NELL1: variants seen among roughly 807,000 people sequenced by gnomAD.
The protein encoded by NELL1 is protein kinase C-binding protein NELL1.
In NELL1, 76 loss-of-function variants were observed where a neutral mutation model predicts 107.4. The observed-to-expected ratio is 0.71, with a 90% confidence interval of 0.59 to 0.86. The LOEUF (loss-of-function observed/expected upper bound fraction) is 0.86, where lower values mean the gene tolerates loss of function less well. Ranked by LOEUF, NELL1 falls within the 40% of genes least tolerant of loss-of-function variation. The probability of loss-of-function intolerance (pLI) is 0.00; values close to 1 mark genes in which losing one functional copy is unlikely to be tolerated. For synonymous variants in NELL1, 353 were observed against 341.2 expected (o/e 1.03, Z -0.38); for missense variants, 1,024 against 1,005.5 (o/e 1.02, Z -0.25).
rs1856398747 is a variant in NELL1, at chr11:21,162,681, G to T, written c.1426+48967G>T. On this transcript the variant is annotated intron_variant, in intron 13 of 19. Coordinates refer to ENST00000357134, the MANE Select transcript of NELL1 (RefSeq NM_006157.5). Reference sequence around the variant, plus strand: ...GACCTTCAAGATCTTCAACCTGTTAGATATTACTCACAGAATTATTGGCGG... The same window carrying T: ...GACCTTCAAGATCTTCAACCTGTTATATATTACTCACAGAATTATTGGCGG... Among the ~76,000 whole-genome samples the T allele has an allele frequency of 3.3e-5, 5 of 152,294 alleles. No individual in the cohort carries two copies. In the South Asian group the frequency reaches 1.0e-3, roughly 32 times the overall value.
chr11:21,485,357 G>A (rs1854598037), intron 15 of NELL1, among the ~76,000 whole-genome samples: 1 of 151,974 alleles, frequency 6.6e-6, no homozygotes, highest in Non-Finnish European at 1.5e-5. Flanking sequence ...GAAATCACAG[G>A]CCCCATAGCT....
chr11:20,851,545 C>G (rs1227987155), intron 4 of NELL1, among the ~76,000 whole-genome samples: 1 of 152,182 alleles, frequency 6.6e-6, no homozygotes, highest in African/African-American at 2.4e-5. Context: ...TTCACCCTCT[C>G]CCTTCTCAGC....
chr11:20,975,858 AT>A (rs1419879330), intron 12 of NELL1, among the ~76,000 whole-genome samples: 3 of 128,276 alleles, frequency 2.3e-5, no homozygotes, highest in Non-Finnish European at 5.1e-5. Context: ...ATATACATAT[AT>A]GTGTATTATA....
At chr11:21,268,939 C>G (rs1021740045) in intron 14 of NELL1, among the ~76,000 whole-genome samples, 9 of 151,822 alleles carry the variant, frequency 5.9e-5, no homozygotes, top group Non-Finnish European at 8.8e-5. Context: ...TCAATGTAAT[C>G]AGAGAGATGG....
intron 15 of NELL1, among the ~76,000 whole-genome samples, chr11:21,474,348 G>A (rs1854264989): frequency 2.6e-5 from 4 of 151,862 alleles, no homozygotes; most frequent in Admixed American, 1.3e-4. Flanking sequence ...GTTTAATGTA[G>A]ATCTCCCACC....
At chr11:20,867,514 T>G (rs944276507) in intron 4 of NELL1, among the ~76,000 whole-genome samples, 1 of 152,200 alleles carries the variant, frequency 6.6e-6, no homozygotes, top group Non-Finnish European at 1.5e-5. Flanking sequence ...AGCTTTTGTC[T>G]TGCTATTCAA....
chr11:21,397,119 T>C (rs1006353902), intron 15 of NELL1, among the ~76,000 whole-genome samples: 4 of 151,710 alleles, frequency 2.6e-5, no homozygotes, highest in African/African-American at 9.7e-5. Context: ...TCACTTTCTT[T>C]ACAAAAAGTT....
At chr11:21,288,645 C>T (rs866465814) in intron 14 of NELL1, among the ~76,000 whole-genome samples, 2 of 152,288 alleles carry the variant, frequency 1.3e-5, no homozygotes, top group African/African-American at 4.8e-5. Flanking sequence ...AAATGTGTAC[C>T]TTCATGGGAT....
At chr11:21,044,195 A>C (rs1481052839) in intron 12 of NELL1, among the ~76,000 whole-genome samples, 1 of 152,170 alleles carries the variant, frequency 6.6e-6, no homozygotes, top group Non-Finnish European at 1.5e-5. Flanking sequence ...AGGTGCCTTT[A>C]GCAAGAAAGC....
At chr11:21,243,551 G>A (rs1858416792) in intron 14 of NELL1, among the ~76,000 whole-genome samples, 1 of 152,046 alleles carries the variant, frequency 6.6e-6, no homozygotes, top group African/African-American at 2.4e-5. Context: ...CTTGGAAGAG[G>A]ACTCGCTGTA....
At chr11:21,332,552 T>A (rs966324717) in intron 14 of NELL1, among the ~76,000 whole-genome samples, 1 of 152,032 alleles carries the variant, frequency 6.6e-6, no homozygotes, top group Non-Finnish European at 1.5e-5. Flanking sequence ...TTTTATACAA[T>A]TATGATTGCT....
At chr11:21,522,000 G>A (rs1364238394) in intron 15 of NELL1, among the ~76,000 whole-genome samples, 3 of 152,050 alleles carry the variant, frequency 2.0e-5, no homozygotes, top group Non-Finnish European at 2.9e-5. Context: ...CCGGATATTC[G>A]TTTCCTGTCA....
chr11:21,021,359 T>C (rs1852696852), intron 12 of NELL1, among the ~76,000 whole-genome samples: 2 of 151,980 alleles, frequency 1.3e-5, no homozygotes, highest in Admixed American at 1.3e-4. Flanking sequence ...AGTGTGAAAA[T>C]GCCATGAATG....
chr11:20,887,691 A>G (rs1009358753), intron 5 of NELL1, among the ~76,000 whole-genome samples: 1 of 152,212 alleles, frequency 6.6e-6, no homozygotes, highest in Non-Finnish European at 1.5e-5. Flanking sequence ...CAGCACTTGA[A>G]GGGTTGCAGA....
At chr11:20,862,534 C>T (rs138739472) in intron 4 of NELL1, among the ~76,000 whole-genome samples, 3 of 145,920 alleles carry the variant, frequency 2.1e-5, no homozygotes, top group East Asian at 2.1e-4. Flanking sequence ...ACAAAGGTAT[C>T]GTGTCATCTA....
chr11:21,448,420 G>A lies in NELL1; in HGVS notation c.1645+77472G>A, dbSNP rs148276352. 5.4e-3 allele frequency among the ~76,000 whole-genome samples: 819 copies of A among 152,090 alleles called. 6 individuals are homozygous for A. The highest frequency in any genetic ancestry group is 0.017 in the African/African-American group (695 of 41,478). The stretch of plus-strand genomic sequence containing the variant: ...TGTATATTTTCAACTTGCTAACTAC[G>A]TTAAAATTATATCTTAAGAGTTTCT... On this transcript the variant is annotated intron_variant, in intron 15 of 19. Coordinates refer to ENST00000357134, the MANE Select transcript of NELL1 (RefSeq NM_006157.5).
intron 12 of NELL1, among the ~76,000 whole-genome samples, chr11:20,976,136 TG>T (rs1292572208): frequency 3.4e-4 from 36 of 105,728 alleles, no homozygotes; most frequent in East Asian, 9.9e-4. Flanking sequence ...TGTATACACA[TG>T]TACACACATG....
chr11:21,175,386 C>T (rs1856690703), intron 13 of NELL1, among the ~76,000 whole-genome samples: 1 of 151,818 alleles, frequency 6.6e-6, no homozygotes, highest in African/African-American at 2.4e-5. Context: ...TGTGAATGCA[C>T]ATATGTTATA....
chr11:21,283,894 C>T lies in NELL1; in HGVS notation c.1549+54440C>T, dbSNP rs550746235. The T allele has an allele frequency of 3.2e-4, 79 of 245,264 alleles. No individual in the cohort carries two copies. The South Asian group carries it at 4.3e-3, about 13-fold the overall frequency. 15.2% of individuals were successfully genotyped at this position (245,264 alleles called of 1,614,324 possible). On this transcript the variant is annotated intron_variant, in intron 14 of 19. Coordinates refer to ENST00000357134, the MANE Select transcript of NELL1 (RefSeq NM_006157.5). ...TTGGCTGTGAGATCCCCCTGAGAAG[C>T]TTCTCTTTTTCTCACACAATTCCTC...
Sources: allele counts gnomAD v4.1 joint callset (sites outside exome capture counted in the v4.1 genomes callset), GRCh38; gene constraint gnomAD v4.1.1; transcripts MANE v1.5; gene names NCBI Gene and HGNC (gene_info 2026-07-23, HGNC 2026-07-21).